CDKN2B: variants seen among roughly 807,000 people sequenced by gnomAD.
The protein encoded by CDKN2B is cyclin-dependent kinase 4 inhibitor B.
A neutral mutation model predicts 7.7 loss-of-function variants in CDKN2B; 8 were observed. The observed-to-expected ratio is 1.04, with a 90% CI of 0.61 to 1.87. The LOEUF (loss-of-function observed/expected upper bound fraction) is 1.87, where lower values mean the gene tolerates loss of function less well. CDKN2B is among the 40% of genes most tolerant of loss of function. The pLI is 0.00. For missense variants in CDKN2B, 244 were observed against 213.1 expected (o/e 1.15, Z -0.90); for synonymous variants, 93 against 95.8 (o/e 0.97, Z 0.17).
Position 22,006,876 on chromosome 9 carries a change from A to T in CDKN2B, c.157-629T>A, listed in dbSNP as rs1380996886. On this transcript the variant is annotated intron_variant, in intron 1 of 1. Transcript: ENST00000276925. The surrounding 1 kb of genome is among the most constrained non-coding windows in gnomAD (Gnocchi z 6.4). ...AATTTGAGCCAAAGTTGGAGATTAGAAGGGAAAAGTAAATTAAATCATGCA... is the reference window on the plus strand; with the variant it reads ...AATTTGAGCCAAAGTTGGAGATTAGTAGGGAAAAGTAAATTAAATCATGCA... Among the ~76,000 whole-genome samples the T allele has an allele frequency of 6.6e-6, 1 of 152,098 alleles. No individual in the cohort carries two copies. The highest frequency in any genetic ancestry group is 1.5e-5 in the Non-Finnish European group (1 of 68,012).
At position 22,004,490 on chromosome 9, in the gene CDKN2B, C is replaced by A. The variant is rs1821072462; in HGVS notation, c.*1497G>T. 1 of 232,474 alleles carries A rather than the reference C, an allele frequency of 4.3e-6. No individual in the cohort carries two copies. The highest frequency in any genetic ancestry group is 8.5e-6 in the Non-Finnish European group (1 of 117,698). 14.4% of individuals were successfully genotyped at this position (232,474 alleles called of 1,614,324 possible). A position where few individuals can be genotyped will look rare whatever the true frequency, so the allele number is the denominator to read the frequency against. ...ATTGAGAGAAGGGAACCCCTGTGAA[C>A]CTTTAACATTTCTCAGGAGTTAGTG... On this transcript the variant is annotated 3_prime_UTR_variant, in exon 2 of 2. Transcript: ENST00000276925.
In CDKN2B at chr9:22,005,429, T is replaced by TAAAGCGCCA; in HGVS notation, c.*557_*558insTGGCGCTTT. The TAAAGCGCCA allele has an allele frequency of 4.0e-6, 1 of 247,578 alleles. No homozygotes were observed. The highest frequency in any genetic ancestry group is 4.9e-5 in the Admixed American group (1 of 20,236). 15.3% of individuals were successfully genotyped at this position (247,578 alleles called of 1,614,324 possible). ...CATGTGACTTGCCATGCGCTCAAAC[T>TAAAGCGCCA]AAAGCGCCGCCGGGGACTTACTGAA... On this transcript the variant is annotated 3_prime_UTR_variant, in exon 2 of 2. Coordinates refer to ENST00000276925, the MANE Select transcript of CDKN2B (RefSeq NM_004936.4). This position sits in a 1 kb window ranked among gnomAD's most constrained non-coding sequence, Gnocchi z 4.9.
At chr9:22,008,653 G>C in intron 1 of CDKN2B, 145 bp downstream of exon 1, 1 of 1,602,764 alleles carries the variant, frequency 6.2e-7, no homozygotes, top group Non-Finnish European at 8.5e-7. Flanking sequence ...GTAAAAGCCT[G>C]TTTTACGCGT....
Position 22,006,947 on chromosome 9 carries a change from C to A in CDKN2B, c.157-700G>T, listed in dbSNP as rs1821219975. Among the ~76,000 whole-genome samples the A allele has an allele frequency of 6.6e-6, 1 of 152,018 alleles. No homozygotes were observed. The highest frequency in any genetic ancestry group is 2.4e-5 in the African/African-American group (1 of 41,386). On this transcript the variant is annotated intron_variant, in intron 1 of 1. Transcript: ENST00000276925. This position sits in a 1 kb window ranked among gnomAD's most constrained non-coding sequence, Gnocchi z 6.4. ...AAATGATTTTTCCTTAACAGTTCATCATTTTAAATTTAGACTATAATATTT... is the reference window on the plus strand; with the variant it reads ...AAATGATTTTTCCTTAACAGTTCATAATTTTAAATTTAGACTATAATATTT...
rs983005355 is a variant in CDKN2B, at chr9:22,006,798, G to T, written c.157-551C>A. 6.6e-6 allele frequency among the ~76,000 whole-genome samples: 1 copy of T among 151,604 alleles called. No individual in the cohort carries two copies. The highest frequency in any genetic ancestry group is 2.4e-5 in the African/African-American group (1 of 41,214). ...TTAGTTCTCATAGCAAATCCCGTGC[G>T]GAAGGCTTTTGTTTGTCATGTGTCT... On this transcript the variant is annotated intron_variant, in intron 1 of 1. Coordinates refer to ENST00000276925, the MANE Select transcript of CDKN2B (RefSeq NM_004936.4). The surrounding 1 kb of genome is among the most constrained non-coding windows in gnomAD (Gnocchi z 6.4).
chr9:22,008,785 G>T lies in CDKN2B; in HGVS notation c.156+13C>A. 3 of 1,607,350 alleles carry T rather than the reference G, an allele frequency of 1.9e-6. No individual in the cohort carries two copies. The highest frequency in any genetic ancestry group is 2.5e-6 in the Non-Finnish European group (3 of 1,176,756). ...CGCGCCCCCTGCCGGCGAGGCCCTG[G>T]GGCCCCAGCTACCTGGATCGCGCGC... is the stretch of plus-strand genomic sequence containing the variant. On this transcript the variant is annotated intron_variant, in intron 1 of 1. Coordinates refer to ENST00000276925, the MANE Select transcript of CDKN2B (RefSeq NM_004936.4).
chr9:22,005,788 G>C lies in CDKN2B; in HGVS notation c.*199C>G. ...TGTGTTTCGCTTCATGGTGAGTGTC[G>C]AGGGCCAGATAAGACAAAGAAAAAA... On this transcript the variant is annotated 3_prime_UTR_variant, in exon 2 of 2. Coordinates refer to ENST00000276925, the MANE Select transcript of CDKN2B (RefSeq NM_004936.4). The surrounding 1 kb of genome is among the most constrained non-coding windows in gnomAD (Gnocchi z 4.9). 1 of 666,072 alleles carries C rather than the reference G, an allele frequency of 1.5e-6. No individual in the cohort carries two copies. Among genetic ancestry groups the C allele is most frequent in the Non-Finnish European group, 2.6e-6 (1 of 385,524 alleles). The allele number at this position is 666,072 out of a possible 1,614,324, so 41.3% of individuals were successfully genotyped here. A position where few individuals can be genotyped will look rare whatever the true frequency, so the allele number is the denominator to read the frequency against.
At position 22,009,167 on chromosome 9, in the gene CDKN2B, C is replaced by G. The variant is rs374702031; in HGVS notation, c.-214G>C. On this transcript the variant is annotated 5_prime_UTR_variant, in exon 1 of 2. Coordinates refer to ENST00000276925, the MANE Select transcript of CDKN2B (RefSeq NM_004936.4). ...CGTTAGCTCCGGGCTTTTCCTGGCG[C>G]TCAAGAACCAGCGGGCGCGCCTGGA... 1.5e-6 allele frequency: 1 copy of G among 670,072 alleles called. No homozygotes were observed. Among genetic ancestry groups the G allele is most frequent in the Non-Finnish European group, 2.6e-6 (1 of 389,702 alleles). The allele number at this position is 670,072 out of a possible 1,614,324, so 41.5% of individuals were successfully genotyped here.
rs574045583 is a variant in CDKN2B, at chr9:22,005,741, T to C, written c.*246A>G. ...CCCTGGAATGTCACACACTCCTAAA[T>C]ATCCCTGGAAATCCGCTTCTCTGTG... On this transcript the variant is annotated 3_prime_UTR_variant, in exon 2 of 2. Transcript: ENST00000276925. This position sits in a 1 kb window ranked among gnomAD's most constrained non-coding sequence, Gnocchi z 4.9. 6 of 601,674 alleles carry C rather than the reference T, an allele frequency of 1.0e-5. No individual in the cohort carries two copies. Among genetic ancestry groups the C allele is most frequent in the African/African-American group, 9.3e-5 (5 of 54,004 alleles). 37.3% of individuals were successfully genotyped at this position (601,674 alleles called of 1,614,324 possible).
chr9:22,005,807 G>GA lies in CDKN2B; in HGVS notation c.*179dup, dbSNP rs1201530274. 1.6e-5 allele frequency: 12 copies of GA among 773,968 alleles called. No individual in the cohort carries two copies. The East Asian group carries it at 1.6e-4, about 10-fold the overall frequency. The allele number at this position is 773,968 out of a possible 1,614,324, so 47.9% of individuals were successfully genotyped here. A position where few individuals can be genotyped will look rare whatever the true frequency, so the allele number is the denominator to read the frequency against. ...AGTGTCGAGGGCCAGATAAGACAAA[G>GA]AAAAAAATGTATGGAAGGTTATTCC... On this transcript the variant is annotated 3_prime_UTR_variant, in exon 2 of 2. Transcript: ENST00000276925. The surrounding 1 kb of genome is among the most constrained non-coding windows in gnomAD (Gnocchi z 4.9).
chr9:22,006,755 C>T lies in CDKN2B; in HGVS notation c.157-508G>A, dbSNP rs1238071463. On this transcript the variant is annotated intron_variant, in intron 1 of 1. Coordinates refer to ENST00000276925, the MANE Select transcript of CDKN2B (RefSeq NM_004936.4). This position sits in a 1 kb window ranked among gnomAD's most constrained non-coding sequence, Gnocchi z 6.4. ...AATAAACAACTAAGTTTTTTTCTTT[C>T]TTTTTTTTTTAATTTATTTAGTTCT... Among the ~76,000 whole-genome samples the T allele has an allele frequency of 6.8e-6, 1 of 148,060 alleles. No individual in the cohort carries two copies. The highest frequency in any genetic ancestry group is 1.5e-5 in the Non-Finnish European group (1 of 66,708).
At position 22,008,964 on chromosome 9, in the gene CDKN2B, C is replaced by G; in HGVS notation, c.-11G>C. The stretch of plus-strand genomic sequence containing the variant: ...GTTCTCCTCGCGCATTCCGCAGCCC[C>G]CAGACGCGCAGCGGCCCGGATAATC... On this transcript the variant is annotated 5_prime_UTR_variant, in exon 1 of 2. Transcript: ENST00000276925. 1 of 1,613,252 alleles carries G rather than the reference C, an allele frequency of 6.2e-7. No individual in the cohort carries two copies. Among genetic ancestry groups the G allele is most frequent in the Middle Eastern group, 1.7e-4 (1 of 6,052 alleles).
intron 1 of CDKN2B, among the ~76,000 whole-genome samples, chr9:22,007,358 C>CA (rs3217977): frequency 3.3e-5 from 5 of 151,494 alleles, no homozygotes; most frequent in Admixed American, 6.6e-5. Context: ...GGCCTCATCT[C>CA]AAAAAAAATA....
chr9:22,004,239 G>T lies in CDKN2B; in HGVS notation c.*1748C>A, dbSNP rs1308811261. The T allele has an allele frequency of 4.3e-6, 1 of 232,530 alleles. No individual in the cohort carries two copies. The allele number at this position is 232,530 out of a possible 1,614,324, so 14.4% of individuals were successfully genotyped here. A position where few individuals can be genotyped will look rare whatever the true frequency, so the allele number is the denominator to read the frequency against. On this transcript the variant is annotated 3_prime_UTR_variant, in exon 2 of 2. Coordinates refer to ENST00000276925, the MANE Select transcript of CDKN2B (RefSeq NM_004936.4). ...TATGTTCATTTTGGGAATAGGAATTGGTAGAGAAGTAAAGATTTGTGTATT... is the reference window on the plus strand; with the variant it reads ...TATGTTCATTTTGGGAATAGGAATTTGTAGAGAAGTAAAGATTTGTGTATT...
chr9:22,005,054 T>G lies in CDKN2B; in HGVS notation c.*933A>C. The G allele has an allele frequency of 4.3e-6, 1 of 233,122 alleles. No homozygotes were observed. 14.4% of individuals were successfully genotyped at this position (233,122 alleles called of 1,614,324 possible). A position where few individuals can be genotyped will look rare whatever the true frequency, so the allele number is the denominator to read the frequency against. ...AGACAGTTGCTGAACAACTAAAAAG[T>G]ACAAAATATCACAAAATCAAAAAGT... On this transcript the variant is annotated 3_prime_UTR_variant, in exon 2 of 2. Coordinates refer to ENST00000276925, the MANE Select transcript of CDKN2B (RefSeq NM_004936.4). The surrounding 1 kb of genome is among the most constrained non-coding windows in gnomAD (Gnocchi z 4.9).
Position 22,005,893 on chromosome 9 carries a change from G to T in CDKN2B, c.*94C>A. On this transcript the variant is annotated 3_prime_UTR_variant, in exon 2 of 2. Coordinates refer to ENST00000276925, the MANE Select transcript of CDKN2B (RefSeq NM_004936.4). The surrounding 1 kb of genome is among the most constrained non-coding windows in gnomAD (Gnocchi z 4.9). ...CTTGCAGGCTTACAGGCTTTCCGCC[G>T]CTCCCCGTTGGCAGCCTTCATCGAA... The T allele has an allele frequency of 6.6e-7, 1 of 1,508,710 alleles. No homozygotes were observed. Among genetic ancestry groups the T allele is most frequent in the South Asian group, 1.2e-5 (1 of 84,098 alleles). The allele number at this position is 1,508,710 out of a possible 1,614,324, so 93.5% of individuals were successfully genotyped here.
At position 22,005,691 on chromosome 9, in the gene CDKN2B, C is replaced by T. The variant is rs1013592149; in HGVS notation, c.*296G>A. The T allele has an allele frequency of 2.3e-5, 12 of 532,380 alleles. No homozygotes were observed. The African/African-American group carries it at 2.3e-4, about 10-fold the overall frequency. The allele number at this position is 532,380 out of a possible 1,614,324, so 33.0% of individuals were successfully genotyped here. ...CAAGGATTTCATATGCACTTTCCCT[C>T]AGAAAACCCTGAAAAGCAAACGACC... is the stretch of plus-strand genomic sequence containing the variant. On this transcript the variant is annotated 3_prime_UTR_variant, in exon 2 of 2. Coordinates refer to ENST00000276925, the MANE Select transcript of CDKN2B (RefSeq NM_004936.4). This position sits in a 1 kb window ranked among gnomAD's most constrained non-coding sequence, Gnocchi z 4.9.
Position 22,003,679 on chromosome 9 carries a change from C to G in CDKN2B, c.*2308G>C. The G allele has an allele frequency of 4.3e-6, 1 of 231,214 alleles. No individual in the cohort carries two copies. Among genetic ancestry groups the G allele is most frequent in the Non-Finnish European group, 8.6e-6 (1 of 116,912 alleles). 14.3% of individuals were successfully genotyped at this position (231,214 alleles called of 1,614,324 possible). A position where few individuals can be genotyped will look rare whatever the true frequency, so the allele number is the denominator to read the frequency against. On this transcript the variant is annotated 3_prime_UTR_variant, in exon 2 of 2. Coordinates refer to ENST00000276925, the MANE Select transcript of CDKN2B (RefSeq NM_004936.4). ...TGATAACTAGAAATATATTTTCTGT[C>G]CCTGTGCTTCAGTTTGAAAATGGAG... is the stretch of plus-strand genomic sequence containing the variant.
In CDKN2B at chr9:22,004,873, A is replaced by C. The variant is rs1048588535; in HGVS notation, c.*1114T>G. The C allele has an allele frequency of 7.7e-5, 18 of 233,108 alleles. No homozygotes were observed. The highest frequency in any genetic ancestry group is 3.8e-4 in the African/African-American group (17 of 45,308). The allele number at this position is 233,108 out of a possible 1,614,324, so 14.4% of individuals were successfully genotyped here. A position where few individuals can be genotyped will look rare whatever the true frequency, so the allele number is the denominator to read the frequency against. ...ACTCTATAAAGGAAACAATCAGAAA[A>C]ATTTAACAAAGAAATAAATAGGTTA... is the stretch of plus-strand genomic sequence containing the variant. On this transcript the variant is annotated 3_prime_UTR_variant, in exon 2 of 2. Transcript: ENST00000276925.
Sources: gnomAD v4.1 joint callset for allele counts (sites outside exome capture counted in the v4.1 genomes callset) on GRCh38, gnomAD v4.1.1 for gene constraint, Gnocchi (gnomAD v3.1) non-coding constraint, MANE v1.5 for transcripts, NCBI Gene and HGNC (gene_info 2026-07-23, HGNC 2026-07-21) for gene names.